Variants in EPHA3 observed in about 807,000 individuals in gnomAD.
The protein encoded by EPHA3 is EPH receptor A3, also known as ephrin type-A receptor 3.
Under a neutral mutation model 107.1 loss-of-function variants are expected in EPHA3, and 42 were observed. The observed-to-expected ratio is 0.39, with a 90% CI of 0.31 to 0.51. EPHA3 has a LOEUF of 0.51. Ranked by LOEUF, EPHA3 falls within the 20% of genes least tolerant of loss-of-function variation. The pLI is 0.78. For missense variants in EPHA3, 1,183 were observed against 1,211.2 expected (o/e 0.98, Z 0.35); for synonymous variants, 461 against 424.8 (o/e 1.09, Z -1.05).
chr3:89,186,371 TA>T (rs1332513992), intron 2 of EPHA3, among the ~76,000 whole-genome samples: 7 of 150,944 alleles, frequency 4.6e-5, no homozygotes, highest in East Asian at 1.9e-4. Context: ...GTCCTTGGTT[TA>T]AAAAAAATAT....
intron 2 of EPHA3, among the ~76,000 whole-genome samples, chr3:89,165,964 ATCATCTTTG>A (rs1208766436): frequency 6.6e-6 from 1 of 152,218 alleles, no homozygotes; most frequent in Non-Finnish European, 1.5e-5. Flanking sequence ...AGATGCTATC[ATCATCTTTG>A]TTTTACAGAT....
intron 13 of EPHA3, among the ~76,000 whole-genome samples, chr3:89,441,928 G>C (rs573947102): frequency 6.6e-6 from 1 of 152,102 alleles, no homozygotes; most frequent in South Asian, 2.1e-4. Context: ...GAACCAAATT[G>C]GGCCCTCAAG....
At chr3:89,319,884 T>C (rs945582581) in intron 3 of EPHA3, among the ~76,000 whole-genome samples, 3 of 151,990 alleles carry the variant, frequency 2.0e-5, no homozygotes, top group Non-Finnish European at 4.4e-5. Flanking sequence ...CTGGAAACTT[T>C]TAAAACTCGT....
intron 2 of EPHA3, among the ~76,000 whole-genome samples, chr3:89,177,075 CGTGT>C (rs139627729): frequency 6.7e-6 from 1 of 150,144 alleles, no homozygotes; most frequent in South Asian, 2.1e-4. Context: ...GTTCACTCTG[CGTGT>C]GTGTGTGTGT....
At chr3:89,449,024 T>C (rs1004154779) in intron 13 of EPHA3, among the ~76,000 whole-genome samples, 2 of 151,712 alleles carry the variant, frequency 1.3e-5, no homozygotes, top group African/African-American at 4.8e-5. Context: ...TCCAAATTAT[T>C]TGGAAGTAAA....
intron 9 of EPHA3, among the ~76,000 whole-genome samples, chr3:89,412,570 G>A (rs1709175959): frequency 6.6e-6 from 1 of 151,392 alleles, no homozygotes; most frequent in African/African-American, 2.4e-5. Context: ...CATACTAACA[G>A]CTTAAAGTAG....
At chr3:89,391,656 A>G (rs1005136247) in intron 5 of EPHA3, among the ~76,000 whole-genome samples, 1 of 151,082 alleles carries the variant, frequency 6.6e-6, no homozygotes, top group African/African-American at 2.4e-5. Context: ...GATGGTCTCC[A>G]TCTCCTGACC....
chr3:89,444,105 G>T (rs1576381405), intron 13 of EPHA3, among the ~76,000 whole-genome samples: 1 of 152,112 alleles, frequency 6.6e-6, no homozygotes. Flanking sequence ...TGTTTATGGA[G>T]AACATAGTTT....
At chr3:89,276,417 G>T (rs1705808888) in intron 3 of EPHA3, among the ~76,000 whole-genome samples, 1 of 152,042 alleles carries the variant, frequency 6.6e-6, no homozygotes. Flanking sequence ...GATTGAGTAG[G>T]AAGGAATGTT....
intron 2 of EPHA3, among the ~76,000 whole-genome samples, chr3:89,198,586 T>C (rs1040863863): frequency 6.6e-6 from 1 of 152,162 alleles, no homozygotes; most frequent in Non-Finnish European, 1.5e-5. Context: ...AGCTTTAAAA[T>C]TGGTGCTATA....
At chr3:89,446,728 ACAC>A (rs1240333977) in intron 13 of EPHA3, among the ~76,000 whole-genome samples, 1 of 151,694 alleles carries the variant, frequency 6.6e-6, no homozygotes, top group African/African-American at 2.4e-5. Flanking sequence ...CCATTTAAGT[ACAC>A]TTCACAATTT....
intron 7 of EPHA3, among the ~76,000 whole-genome samples, chr3:89,403,095 G>C (rs1395444489): frequency 6.6e-6 from 1 of 152,186 alleles, no homozygotes; most frequent in Non-Finnish European, 1.5e-5. Context: ...ACTTTATAGG[G>C]AAGAGATGGA....
intron 3 of EPHA3, among the ~76,000 whole-genome samples, chr3:89,230,754 C>T (rs1433605148): frequency 6.6e-6 from 1 of 151,160 alleles, no homozygotes; most frequent in East Asian, 1.9e-4. Context: ...CATCTAGATC[C>T]ACTGGTATGG....
chr3:89,338,811 G>C (rs932781417), intron 3 of EPHA3, among the ~76,000 whole-genome samples: 34 of 152,084 alleles, frequency 2.2e-4, no homozygotes, highest in Admixed American at 1.3e-4. Flanking sequence ...TGTTATACAG[G>C]TATTCACTAA....
rs189974632 is a variant in EPHA3, at chr3:89,450,029, G to T, written c.2497-148G>T. 1.3e-5 allele frequency: 7 copies of T among 554,094 alleles called. No homozygotes were observed. The East Asian group carries it at 2.1e-4, about 17-fold the overall frequency. 34.3% of individuals were successfully genotyped at this position (554,094 alleles called of 1,614,324 possible). ...ACATAACGTCTTATTTATTTGATCA[G>T]TTGTTATCCTTTTAGGCAACTAAAA... On this transcript the variant is annotated intron_variant, in intron 14 of 16. Coordinates refer to ENST00000336596, the MANE Select transcript of EPHA3 (RefSeq NM_005233.6).
intron 13 of EPHA3, among the ~76,000 whole-genome samples, chr3:89,447,651 C>T (rs1237023629): frequency 2.0e-5 from 3 of 152,134 alleles, no homozygotes; most frequent in African/African-American, 4.8e-5. Flanking sequence ...CTCCTCTGTG[C>T]TTTGATTTAT....
At chr3:89,264,971 G>A (rs1301545170) in intron 3 of EPHA3, among the ~76,000 whole-genome samples, 1 of 152,064 alleles carries the variant, frequency 6.6e-6, no homozygotes, top group Non-Finnish European at 1.5e-5. Flanking sequence ...GGGGATATTA[G>A]ATGTTTTGAT....
chr3:89,370,682 C>T (rs116595581), intron 5 of EPHA3, among the ~76,000 whole-genome samples: 2,312 of 150,834 alleles, frequency 0.015, 42 homozygotes, highest in African/African-American at 0.053. Flanking sequence ...TAACAAAATA[C>T]ATTAGTTGTA....
intron 5 of EPHA3, among the ~76,000 whole-genome samples, chr3:89,382,006 GA>G (rs924572126): frequency 6.6e-6 from 1 of 151,862 alleles, no homozygotes; most frequent in Non-Finnish European, 1.5e-5. Context: ...TAAAGAGTGA[GA>G]AAAAAAATTA....
Sources: gnomAD v4.1 joint callset for allele counts (sites outside exome capture counted in the v4.1 genomes callset) on GRCh38, gnomAD v4.1.1 for gene constraint, MANE v1.5 for transcripts, NCBI Gene and HGNC (gene_info 2026-07-23, HGNC 2026-07-21) for gene names.